The following CEACAM19 variants were observed in gnomAD, a reference collection of about 807,000 sequenced individuals.
CEACAM19 encodes CEA cell adhesion molecule 19.
Under a neutral mutation model 37.6 loss-of-function variants are expected in CEACAM19, and 37 were observed. The observed-to-expected ratio is 0.98, with a 90% confidence interval of 0.76 to 1.29. CEACAM19 has a LOEUF of 1.29. Among genes scored for constraint, CEACAM19 ranks in the 50% most tolerant of loss-of-function variants. The probability of loss-of-function intolerance (pLI) is 0.00; values close to 1 mark genes in which losing one functional copy is unlikely to be tolerated. For synonymous variants in CEACAM19, 140 were observed against 149.8 expected (o/e 0.93, Z 0.48); for missense variants, 340 against 375.6 (o/e 0.91, Z 0.78).
chr19:44,679,045 T>G, intron 4 of CEACAM19, 109 bp downstream of exon 4: 7 of 1,503,542 alleles, frequency 4.7e-6, no homozygotes, highest in Non-Finnish European at 6.3e-6. Context: ...AAGGTTGGGG[T>G]GCAGTGGTGC....
At chr19:44,679,886 C>T (rs1974023880) in intron 4 of CEACAM19, among the ~76,000 whole-genome samples, 2 of 152,200 alleles carry the variant, frequency 1.3e-5, no homozygotes, top group South Asian at 2.1e-4. Context: ...GCTGAGATCA[C>T]GCCATTGCAC....
Position 44,683,654 on chromosome 19 carries a change from G to A in CEACAM19, c.*164G>A, listed in dbSNP as rs985125792. 6.5e-6 allele frequency: 3 copies of A among 459,146 alleles called. No individual in the cohort carries two copies. The highest frequency in any genetic ancestry group is 2.0e-5 in the African/African-American group (1 of 50,076). 28.4% of individuals were successfully genotyped at this position (459,146 alleles called of 1,614,324 possible). A position where few individuals can be genotyped will look rare whatever the true frequency, so the allele number is the denominator to read the frequency against. On this transcript the variant is annotated 3_prime_UTR_variant, in exon 8 of 8. Transcript: ENST00000358777. ...CATGGGGCAGGTGTCCTGGCAGGGG[G>A]ACAGGAGACTGTAACAGGCCCAGGT...
At position 44,672,618 on chromosome 19, in the gene CEACAM19, G is replaced by A. The variant is rs770296195; in HGVS notation, c.78G>A (p.Met26Ile). 2.0e-6 allele frequency: 3 copies of A among 1,475,022 alleles called. No homozygotes were observed. Among genetic ancestry groups the A allele is most frequent in the Non-Finnish European group, 2.7e-6 (3 of 1,111,726 alleles). 91.4% of individuals were successfully genotyped at this position (1,475,022 alleles called of 1,614,324 possible). The change falls in exon 2 of 8, where the codon ATG (methionine) becomes ATA (isoleucine). Residue 26 changes from methionine to isoleucine, a missense_variant. Coordinates refer to ENST00000358777, the MANE Select transcript of CEACAM19 (RefSeq NM_001127893.3). ...CAGCCTCAATCCTGGTCCTCTGGAT[G>A]CTCCAAGGCTCCCAGGCAGCTCTCT... ...LLSASILVLW[M>I]LQGSQAALYI...
At chr19:44,667,620 T>A (rs1568511859), upstream of CEACAM19, among the ~76,000 whole-genome samples, 9 of 96,454 alleles carry the variant, frequency 9.3e-5, no homozygotes, top group African/African-American at 3.8e-4. Context: ...TATTATATAT[T>A]TATAAATATA....
chr19:44,667,606 TATATATTATATATTTATAAATATATAA>T (rs1973737528), upstream of CEACAM19, among the ~76,000 whole-genome samples: 3 of 102,500 alleles, frequency 2.9e-5, no homozygotes, highest in Non-Finnish European at 5.5e-5. Flanking sequence ...TATATATAAA[TATATATTATATATTTATAAATATATAA>T]ATATATAATA....
chr19:44,679,610 A>G (rs1022462101), intron 4 of CEACAM19, among the ~76,000 whole-genome samples: 112 of 152,218 alleles, frequency 7.4e-4, no homozygotes, highest in African/African-American at 2.4e-3. Flanking sequence ...TTAGCCGGGC[A>G]TGGTGGCAGG....
At chr19:44,672,442 C>T (rs1973871884) in intron 1 of CEACAM19, 154 bp from the exon 2 acceptor site, 5 of 841,668 alleles carry the variant, frequency 5.9e-6, no homozygotes, top group Middle Eastern at 4.0e-4. Context: ...CACTCCTGCA[C>T]CCAGGGCAGA....
At chr19:44,669,587 G>A (rs886943326), upstream of CEACAM19, among the ~76,000 whole-genome samples, 2 of 151,774 alleles carry the variant, frequency 1.3e-5, no homozygotes, top group African/African-American at 2.4e-5. Flanking sequence ...CTCCTTCCTG[G>A]CTCCACTCAC....
chr19:44,675,778 G>A (rs1041503702), intron 2 of CEACAM19, among the ~76,000 whole-genome samples: 25 of 149,070 alleles, frequency 1.7e-4, no homozygotes, highest in Admixed American at 1.7e-3. Context: ...AGAGTGAGAC[G>A]CTGTTTCAAA....
Position 44,680,336 on chromosome 19 carries a change from T to C in CEACAM19, c.706+2T>C. On this transcript the variant is annotated splice_donor_variant, in intron 5 of 7. Coordinates refer to ENST00000358777, the MANE Select transcript of CEACAM19 (RefSeq NM_001127893.3). LOFTEE classifies it high-confidence loss of function. ...AATTGGGCCCTGCTCATGATGCTGG[T>C]AAGGCGGGAGCCCCAGATCTCACTA... 1 of 1,609,372 alleles carries C rather than the reference T, an allele frequency of 6.2e-7. No homozygotes were observed. The highest frequency in any genetic ancestry group is 1.7e-4 in the Middle Eastern group (1 of 5,994).
upstream of CEACAM19, among the ~76,000 whole-genome samples, chr19:44,667,730 T>A (rs1483923576): frequency 1.1e-4 from 8 of 74,258 alleles, 1 homozygote; most frequent in African/African-American, 4.3e-4. Context: ...AATTATATAT[T>A]TATATATATA....
At chr19:44,669,632 G>GACT (rs1973823293), upstream of CEACAM19, among the ~76,000 whole-genome samples, 1 of 151,988 alleles carries the variant, frequency 6.6e-6, no homozygotes, top group Non-Finnish European at 1.5e-5. Flanking sequence ...ACACCTTGAT[G>GACT]ACTATCTCAG....
chr19:44,667,876 T>TA (rs1306626075), upstream of CEACAM19, among the ~76,000 whole-genome samples: 299 of 70,334 alleles, frequency 4.3e-3, 7 homozygotes, highest in African/African-American at 0.02. Flanking sequence ...ATATAATATA[T>TA]AAATATATAT....
chr19:44,672,035 G>A, intron 1 of CEACAM19, 49 bp downstream of exon 1: 1 of 1,475,012 alleles, frequency 6.8e-7, no homozygotes. Flanking sequence ...TGGGGACTCA[G>A]CCCAGAGATT....
chr19:44,679,305 T>TA (rs1358760351), intron 4 of CEACAM19, among the ~76,000 whole-genome samples: 2 of 152,190 alleles, frequency 1.3e-5, no homozygotes, highest in South Asian at 2.1e-4. Flanking sequence ...AGTGTACTTT[T>TA]AAAATTAAGG....
chr19:44,667,675 TATTA>T (rs1293190416), upstream of CEACAM19, among the ~76,000 whole-genome samples: 327 of 86,910 alleles, frequency 3.8e-3, 4 homozygotes, highest in African/African-American at 0.016. Context: ...TATAAATATA[TATTA>T]TATATATAAA....
chr19:44,668,199 TTA>T (rs768912756), upstream of CEACAM19, among the ~76,000 whole-genome samples: 5,597 of 81,890 alleles, frequency 0.068, 388 homozygotes, highest in African/African-American at 0.14. Context: ...ATTTTATATA[TTA>T]TATATATATT....
At chr19:44,680,240 C>T (rs1974030519) in intron 4 of CEACAM19, 48 bp from the exon 5 acceptor site, 4 of 1,509,476 alleles carry the variant, frequency 2.6e-6, no homozygotes, top group Non-Finnish European at 3.7e-6. Context: ...TCTCCCCCCG[C>T]CTGAGTGTCT....
chr19:44,676,185 C>G, intron 2 of CEACAM19, 86 bp from the exon 3 acceptor site: 1 of 1,370,806 alleles, frequency 7.3e-7, no homozygotes, highest in South Asian at 1.3e-5. Context: ...TCCATGCAGT[C>G]ACTGATATAG....
Sources: allele counts gnomAD v4.1 joint callset (sites outside exome capture counted in the v4.1 genomes callset), GRCh38; gene constraint gnomAD v4.1.1; transcripts MANE v1.5; gene names NCBI Gene and HGNC (gene_info 2026-07-23, HGNC 2026-07-21).